FAM178B: variants seen among roughly 807,000 people sequenced by gnomAD.
The protein encoded by FAM178B is family with sequence similarity 178 member B.
FAM178B carries 82 observed loss-of-function variants against 91.7 expected under a neutral mutation model. The observed-to-expected ratio is 0.89, with a 90% confidence interval of 0.75 to 1.07. The LOEUF (loss-of-function observed/expected upper bound fraction) is 1.07. Among genes scored for constraint, FAM178B ranks in the 50% least tolerant of loss-of-function variants. The pLI is 0.00. For synonymous variants in FAM178B, 368 were observed against 359.4 expected (o/e 1.02, Z -0.27); for missense variants, 769 against 846.7 (o/e 0.91, Z 1.14).
rs143763449 is a variant in FAM178B at position 96,923,537 on chromosome 2, C to T, written c.1240G>A (p.Ala414Thr). 3.7e-3 allele frequency: 5,711 copies of T among 1,551,656 alleles called. 19 individuals are homozygous for T. Among genetic ancestry groups the T allele is most frequent in the Non-Finnish European group, 4.5e-3 (5,112 of 1,146,968 alleles). The change falls in exon 10 of 17, where the codon GCT (alanine) becomes ACT (threonine). Residue 414 changes from alanine (A) to threonine (T), a missense_variant. Transcript: ENST00000490605. ...AGLNENEEQD[A>T]PQEIALDISL... The stretch of plus-strand genomic sequence containing the variant: ...ATGTCCAAGGCAATCTCTTGGGGAG[C>T]GTCCTGCTCCTCATTCTCATTCAGG...
At chr2:96,970,457 G>C (rs1166789259) in intron 4 of FAM178B, among the ~76,000 whole-genome samples, 1 of 152,226 alleles carries the variant, frequency 6.6e-6, no homozygotes, top group African/African-American at 2.4e-5. Flanking sequence ...CAAACTGGCA[G>C]GAGTTGGGCA....
At chr2:96,937,972 T>G in intron 8 of FAM178B, among the ~76,000 whole-genome samples, 1 of 152,172 alleles carries the variant, frequency 6.6e-6, no homozygotes. Flanking sequence ...AGGTCATGGT[T>G]GCAGTGAGCC....
At chr2:96,914,438 G>C (rs1403567069) in intron 12 of FAM178B, among the ~76,000 whole-genome samples, 1 of 152,172 alleles carries the variant, frequency 6.6e-6, no homozygotes, top group Non-Finnish European at 1.5e-5. Context: ...CACCGCAAAG[G>C]GGCCTTAGCG....
intron 8 of FAM178B, among the ~76,000 whole-genome samples, chr2:96,935,179 CAAA>C (rs2081604314): frequency 6.6e-6 from 1 of 151,672 alleles, no homozygotes; most frequent in Non-Finnish European, 1.5e-5. Flanking sequence ...AACAAACAAA[CAAA>C]AACAAAAACA....
In FAM178B at chr2:96,951,401, G is replaced by C. The variant is rs1391375570; in HGVS notation, c.971C>G (p.Ser324Cys). Residue 324 changes from serine (S) to cysteine (C), a missense_variant, in exon 7 of 17, where the codon TCC (serine) becomes TGC (cysteine). Ser to Cys is a moderately radical substitution (Grantham distance 112). Coordinates refer to ENST00000490605, the MANE Select transcript of FAM178B (RefSeq NM_001122646.3). ...LYLHMPDCPV[S>C]LLQWLFQLLT... Reference sequence around the variant, plus strand: ...CACCTGGAACAGCCACTGGAGCAGGGATACCGGGCAGTCAGGCATGTGCAG... The same window carrying C: ...CACCTGGAACAGCCACTGGAGCAGGCATACCGGGCAGTCAGGCATGTGCAG... The C allele has an allele frequency of 6.4e-7, 1 of 1,551,418 alleles. No homozygotes were observed. The highest frequency in any genetic ancestry group is 2.0e-5 in the Admixed American group (1 of 51,008).
chr2:96,878,514 G>A (rs376140168), intron 14 of FAM178B, 21 bp from the exon 15 acceptor site: 28 of 1,611,724 alleles, frequency 1.7e-5, no homozygotes, highest in African/African-American at 2.7e-5. Context: ...AGCACAGGGA[G>A]AGCTGCTTCT....
chr2:96,974,179 G>T (rs559692558), intron 1 of FAM178B, among the ~76,000 whole-genome samples: 1 of 151,412 alleles, frequency 6.6e-6, no homozygotes, highest in East Asian at 1.9e-4. Flanking sequence ...TCAGGAGATC[G>T]AGACCATCCT....
chr2:96,931,717 G>A (rs566484714), intron 8 of FAM178B, among the ~76,000 whole-genome samples: 33 of 152,284 alleles, frequency 2.2e-4, no homozygotes, highest in African/African-American at 6.3e-4. Context: ...GCAGGATGGC[G>A]GGCAGAGGGT....
intron 13 of FAM178B, among the ~76,000 whole-genome samples, chr2:96,895,877 A>G (rs1412880821): frequency 6.6e-6 from 1 of 152,168 alleles, no homozygotes; most frequent in East Asian, 1.9e-4. Flanking sequence ...ACAGCCCACA[A>G]GAGCAGCTGG....
chr2:96,898,460 C>T (rs562267324), intron 13 of FAM178B, among the ~76,000 whole-genome samples: 2 of 152,222 alleles, frequency 1.3e-5, no homozygotes, highest in African/African-American at 4.8e-5. Context: ...TTTGTGACCA[C>T]CCTTGTCAAC....
intron 1 of FAM178B, among the ~76,000 whole-genome samples, chr2:96,984,835 G>A (rs756826344): frequency 2.0e-5 from 3 of 152,298 alleles, no homozygotes; most frequent in Middle Eastern, 3.4e-3. Flanking sequence ...AAGGGTGCAG[G>A]CTGAGGTGGG....
intron 6 of FAM178B, 50 bp downstream of exon 6, chr2:96,960,238 G>T: frequency 6.5e-7 from 1 of 1,540,310 alleles, no homozygotes; most frequent in South Asian, 1.2e-5. Flanking sequence ...CAGGAGGGAG[G>T]GGTCCTGGAC....
intron 14 of FAM178B, among the ~76,000 whole-genome samples, chr2:96,885,425 GCTGGGGC>G (rs942736235): frequency 6.6e-6 from 1 of 152,240 alleles, no homozygotes; most frequent in Non-Finnish European, 1.5e-5. Context: ...TCTATCTCTA[GCTGGGGC>G]CTGGGGCCTG....
intron 8 of FAM178B, among the ~76,000 whole-genome samples, chr2:96,933,371 C>T (rs998484543): frequency 2.0e-5 from 3 of 152,158 alleles, no homozygotes; most frequent in Non-Finnish European, 4.4e-5. Flanking sequence ...GGAACTGACA[C>T]TTGGGGGTAT....
intron 12 of FAM178B, among the ~76,000 whole-genome samples, chr2:96,903,200 C>T (rs1467967887): frequency 2.6e-5 from 4 of 152,176 alleles, no homozygotes; most frequent in Non-Finnish European, 4.4e-5. Context: ...CCACCATGCA[C>T]GGCTGATTTT....
Position 96,893,909 on chromosome 2 carries a change from G to A in FAM178B, c.1776+17C>T. ...GGCACCGTGGTGGAGGCAGGCGGGTGCTGGGTGCTCACTCACCTTGTGGTC... is the reference window on the plus strand; with the variant it reads ...GGCACCGTGGTGGAGGCAGGCGGGTACTGGGTGCTCACTCACCTTGTGGTC... On this transcript the variant is annotated intron_variant, in intron 14 of 16. Coordinates refer to ENST00000490605, the MANE Select transcript of FAM178B (RefSeq NM_001122646.3). The A allele has an allele frequency of 1.2e-6, 2 of 1,608,004 alleles. No individual in the cohort carries two copies. Among genetic ancestry groups the A allele is most frequent in the Non-Finnish European group, 1.7e-6 (2 of 1,177,254 alleles).
At position 96,878,194 on chromosome 2, in the gene FAM178B, A is replaced by C. The variant is rs188998246; in HGVS notation, c.1855-152T>G. 7 of 922,508 alleles carry C rather than the reference A, an allele frequency of 7.6e-6. No individual in the cohort carries two copies. The African/African-American group carries it at 8.1e-5, about 11-fold the overall frequency. 57.1% of individuals were successfully genotyped at this position (922,508 alleles called of 1,614,324 possible). On this transcript the variant is annotated intron_variant, in intron 15 of 16. Coordinates refer to ENST00000490605, the MANE Select transcript of FAM178B (RefSeq NM_001122646.3). ...AGGAAAAGGAGGATGGGGCCAGCAC[A>C]ACTGTTGGGGCTCGGGTCAGTGTCC... is the stretch of plus-strand genomic sequence containing the variant.
intron 13 of FAM178B, among the ~76,000 whole-genome samples, chr2:96,898,485 C>A (rs2153369031): frequency 6.6e-6 from 1 of 152,222 alleles, no homozygotes; most frequent in African/African-American, 2.4e-5. Flanking sequence ...CGAAACCCTG[C>A]CGCTAAAAAA....
chr2:96,969,776 G>A lies in FAM178B; in HGVS notation c.626+940C>T, dbSNP rs779497636. On this transcript the variant is annotated intron_variant, in intron 4 of 16. Transcript: ENST00000490605. The stretch of plus-strand genomic sequence containing the variant: ...TTCCCGGGTCGGAGGAGCCCAGAGG[G>A]GCTGCACAGCAGAGGCAGATGAGAT... Among the ~76,000 whole-genome samples the A allele has an allele frequency of 5.1e-4, 77 of 152,226 alleles. 1 individual carries two copies. Among genetic ancestry groups the A allele is most frequent in the Admixed American group, 4.0e-3 (61 of 15,286 alleles).
Sources: allele counts gnomAD v4.1 joint callset (sites outside exome capture counted in the v4.1 genomes callset), GRCh38; gene constraint gnomAD v4.1.1; transcripts MANE v1.5; gene names NCBI Gene and HGNC (gene_info 2026-07-23, HGNC 2026-07-21).